The following FBN2 variants were observed in gnomAD, a reference collection of about 807,000 sequenced individuals.
FBN2 encodes fibrillin-2.
In FBN2, 105 loss-of-function variants were observed where a neutral mutation model predicts 355.6. The observed-to-expected ratio is 0.30, with a 90% confidence interval of 0.25 to 0.35. FBN2 has a LOEUF of 0.35. Ranked by LOEUF, FBN2 falls within the 10% of genes least tolerant of loss-of-function variation. The pLI, the probability that FBN2 is intolerant of heterozygous loss-of-function variation, is 1.00. For missense variants in FBN2, 3,280 were observed against 3,758.7 expected (o/e 0.87, Z 3.33); for synonymous variants, 1,350 against 1,301.2 (o/e 1.04, Z -0.81).
chr5:128,291,554 T>C lies in FBN2; in HGVS notation c.6267A>G (p.Leu2089=). Residue 2089 remains leucine (L), a synonymous_variant, in exon 49 of 65, where the codon CTA becomes CTG. Coordinates refer to ENST00000262464, the MANE Select transcript of FBN2 (RefSeq NM_001999.4). The part of the protein sequence containing the change: ...FQCLCPPGFV[L]SDNGRRCFDT... ...CAAAGCATCTCCGTCCATTATCAGA[T>C]AGTACAAAGCCAGGGGGGCAGAGGC... The C allele has an allele frequency of 1.9e-6, 3 of 1,613,966 alleles. No homozygotes were observed. The highest frequency in any genetic ancestry group is 2.2e-5 in the South Asian group (2 of 91,082).
intron 5 of FBN2, among the ~76,000 whole-genome samples, chr5:128,513,139 T>C (rs533286662): frequency 3.7e-4 from 57 of 152,314 alleles, no homozygotes; most frequent in Non-Finnish European, 6.9e-4. Context: ...ACATTATTGC[T>C]TTTAATCTTT....
chr5:128,419,785 C>T (rs1224656369), intron 7 of FBN2, among the ~76,000 whole-genome samples: 1 of 152,048 alleles, frequency 6.6e-6, no homozygotes, highest in African/African-American at 2.4e-5. Context: ...CTCCGCTTCC[C>T]AGGTTCAAGT....
intron 62 of FBN2, among the ~76,000 whole-genome samples, chr5:128,264,825 C>T (rs1375193830): frequency 6.6e-6 from 1 of 152,172 alleles, no homozygotes; most frequent in African/African-American, 2.4e-5. Flanking sequence ...GAGGGATCTG[C>T]AGCAGCTCAG....
Position 128,259,175 on chromosome 5 carries a change from T to C in FBN2, c.*280A>G. ...CATTATTTTTGTGCATTTAGTGCCA[T>C]ATGCTGATATCTTGAACATTTAGGT... On this transcript the variant is annotated 3_prime_UTR_variant, in exon 65 of 65. Transcript: ENST00000262464. The C allele has an allele frequency of 7.6e-6, 3 of 394,672 alleles. No homozygotes were observed. The highest frequency in any genetic ancestry group is 4.0e-5 in the African/African-American group (2 of 49,462). The allele number at this position is 394,672 out of a possible 1,614,324, so 24.4% of individuals were successfully genotyped here.
At chr5:128,408,153 G>A (rs1752979907) in intron 8 of FBN2, among the ~76,000 whole-genome samples, 1 of 152,168 alleles carries the variant, frequency 6.6e-6, no homozygotes, top group African/African-American at 2.4e-5. Flanking sequence ...TAAGACAGAT[G>A]TCTAAGCCTT....
intron 4 of FBN2, among the ~76,000 whole-genome samples, chr5:128,522,005 G>A (rs967704246): frequency 6.6e-6 from 1 of 151,958 alleles, no homozygotes; most frequent in Non-Finnish European, 1.5e-5. Flanking sequence ...TGGGTTTCTT[G>A]TTATTTTTAA....
chr5:128,442,885 C>T (rs549681957), intron 7 of FBN2, among the ~76,000 whole-genome samples: 1 of 152,188 alleles, frequency 6.6e-6, no homozygotes, highest in South Asian at 2.1e-4. Flanking sequence ...AAAAAAGAGT[C>T]GCAGGAGAAT....
intron 5 of FBN2, among the ~76,000 whole-genome samples, chr5:128,514,137 A>C (rs1226569352): frequency 6.6e-6 from 1 of 152,098 alleles, no homozygotes; most frequent in Non-Finnish European, 1.5e-5. Context: ...TTCAGAGTGC[A>C]AGAAAAAGGG....
chr5:128,517,396 A>T (rs911507828), intron 5 of FBN2, among the ~76,000 whole-genome samples: 13 of 152,172 alleles, frequency 8.5e-5, no homozygotes, highest in African/African-American at 3.1e-4. Flanking sequence ...ACTTAGCGTT[A>T]TCTAAGAAAT....
At chr5:128,452,774 T>C (rs1561464349) in intron 6 of FBN2, among the ~76,000 whole-genome samples, 3 of 152,210 alleles carry the variant, frequency 2.0e-5, no homozygotes, top group Admixed American at 1.3e-4. Context: ...GGGTTTGTTA[T>C]GTGAATATAT....
At chr5:128,388,772 T>C (rs1396223105) in intron 11 of FBN2, among the ~76,000 whole-genome samples, 1 of 152,130 alleles carries the variant, frequency 6.6e-6, no homozygotes. Flanking sequence ...TTAAAATTTT[T>C]TTATTTCTTG....
At chr5:128,367,181 T>C (rs1581244476) in intron 16 of FBN2, among the ~76,000 whole-genome samples, 2 of 152,180 alleles carry the variant, frequency 1.3e-5, no homozygotes, top group East Asian at 3.8e-4. Context: ...TCTCAAAGTT[T>C]ATGCCCCTTT....
chr5:128,278,587 T>C, intron 57 of FBN2, 48 bp downstream of exon 57: 1 of 1,548,956 alleles, frequency 6.5e-7, no homozygotes, highest in Non-Finnish European at 8.9e-7. Flanking sequence ...TCTGAATTCA[T>C]AAAATTTAAT....
At chr5:128,383,558 A>T (rs1399835466) in intron 11 of FBN2, among the ~76,000 whole-genome samples, 1 of 152,152 alleles carries the variant, frequency 6.6e-6, no homozygotes, top group East Asian at 1.9e-4. Context: ...AAACATGTGT[A>T]AATCATATAT....
chr5:128,422,188 C>A (rs139935480), intron 7 of FBN2, among the ~76,000 whole-genome samples: 1 of 152,292 alleles, frequency 6.6e-6, no homozygotes, highest in Non-Finnish European at 1.5e-5. Flanking sequence ...ATCTCTAGAA[C>A]TGTAAGACAA....
chr5:128,524,477 T>A (rs1046155863), intron 4 of FBN2, among the ~76,000 whole-genome samples: 9 of 152,198 alleles, frequency 5.9e-5, no homozygotes, highest in African/African-American at 2.2e-4. Flanking sequence ...AGTTACTCAA[T>A]CAACATTGCT....
rs1207006351 is a variant in FBN2, at chr5:128,303,149, A to C, written c.5801-60T>G. On this transcript the variant is annotated intron_variant, in intron 45 of 64. Transcript: ENST00000262464. ...TTAACTAGAAAAAAATGGGCTATTA[A>C]CCGTTTTATATGTTTAACTTATGGA... 6 of 944,014 alleles carry C rather than the reference A, an allele frequency of 6.4e-6. No homozygotes were observed. The African/African-American group carries it at 9.7e-5, about 15-fold the overall frequency. 58.5% of individuals were successfully genotyped at this position (944,014 alleles called of 1,614,324 possible).
At chr5:128,463,440 T>C (rs1754612193) in intron 6 of FBN2, among the ~76,000 whole-genome samples, 1 of 152,182 alleles carries the variant, frequency 6.6e-6, no homozygotes, top group South Asian at 2.1e-4. Flanking sequence ...ATATGTGAGC[T>C]TTCATATGTG....
At chr5:128,430,116 A>T (rs1753582687) in intron 7 of FBN2, among the ~76,000 whole-genome samples, 1 of 152,070 alleles carries the variant, frequency 6.6e-6, no homozygotes, top group Non-Finnish European at 1.5e-5. Context: ...CATTTTCTTT[A>T]CCTATTTCTA....
Sources: allele counts gnomAD v4.1 joint callset (sites outside exome capture counted in the v4.1 genomes callset), GRCh38; gene constraint gnomAD v4.1.1; transcripts MANE v1.5; gene names NCBI Gene and HGNC (gene_info 2026-07-23, HGNC 2026-07-21).